The following MAML2 variants were observed in gnomAD, a reference collection of about 807,000 sequenced individuals.
The protein encoded by MAML2 is mastermind like transcriptional coactivator 2.
A neutral mutation model predicts 96.1 loss-of-function variants in MAML2; 22 were observed. The ratio of observed to expected loss-of-function variants is 0.23; its 90% CI spans 0.16 to 0.33. The LOEUF is 0.33. Ranked by LOEUF, MAML2 falls within the 10% of genes least tolerant of loss-of-function variation. The pLI, the probability that MAML2 is intolerant of heterozygous loss-of-function variation, is 1.00. For synonymous variants in MAML2, 561 were observed against 521.3 expected, an observed-to-expected ratio of 1.08 and a Z score of -1.04; for missense variants, 1,367 against 1,392.4, an observed-to-expected ratio of 0.98 and a Z score of 0.29.
chr11:96,093,629 A>G, intron 1 of MAML2, 112 bp from the exon 2 acceptor site: 1 of 834,120 alleles, frequency 1.2e-6, no homozygotes, highest in Non-Finnish European at 1.8e-6. Context: ...CACAAGATTC[A>G]GTTTTTTAAA....
At chr11:96,175,994 A>G (rs1000969261) in intron 1 of MAML2, among the ~76,000 whole-genome samples, 3 of 152,190 alleles carry the variant, frequency 2.0e-5, no homozygotes, top group Admixed American at 2.0e-4. Context: ...AGCATAGGGA[A>G]AAAAAGACTC....
chr11:96,003,992 T>C (rs189288917), intron 2 of MAML2, among the ~76,000 whole-genome samples: 15 of 152,258 alleles, frequency 9.9e-5, no homozygotes, highest in Admixed American at 5.9e-4. Context: ...GATTAGGAAA[T>C]TGTGTTTAAG....
chr11:96,019,896 A>T (rs529203863), intron 2 of MAML2, among the ~76,000 whole-genome samples: 24 of 152,270 alleles, frequency 1.6e-4, no homozygotes, highest in African/African-American at 5.5e-4. Flanking sequence ...GCTAGTTTAT[A>T]CGTTTTTCTC....
intron 1 of MAML2, among the ~76,000 whole-genome samples, chr11:96,254,031 C>T (rs1163476175): frequency 1.3e-5 from 2 of 152,200 alleles, no homozygotes; most frequent in Non-Finnish European, 2.9e-5. Context: ...ATCACTTACA[C>T]TTTCTTTAAA....
At chr11:96,196,648 T>C (rs959895613) in intron 1 of MAML2, among the ~76,000 whole-genome samples, 21 of 152,238 alleles carry the variant, frequency 1.4e-4, no homozygotes, top group Non-Finnish European at 2.8e-4. Flanking sequence ...GGTTCACTCC[T>C]TAGGTCTGTA....
At chr11:96,303,197 G>C (rs966217854) in intron 1 of MAML2, among the ~76,000 whole-genome samples, 1 of 152,132 alleles carries the variant, frequency 6.6e-6, no homozygotes, top group Non-Finnish European at 1.5e-5. Flanking sequence ...GCTCAAAAAA[G>C]TGCAGCACAT....
intron 2 of MAML2, among the ~76,000 whole-genome samples, chr11:96,046,175 C>A (rs2135761353): frequency 6.6e-6 from 1 of 151,990 alleles, no homozygotes; most frequent in Middle Eastern, 3.4e-3. Flanking sequence ...AGGATTCTGA[C>A]CAGCGCAGGT....
chr11:96,097,603 G>T (rs181890883), intron 1 of MAML2, among the ~76,000 whole-genome samples: 37 of 152,210 alleles, frequency 2.4e-4, no homozygotes, highest in Non-Finnish European at 4.6e-4. Context: ...GCTCACAACA[G>T]TTATAGAACA....
In MAML2 at chr11:96,044,277, G is replaced by A. The variant is rs541672425; in HGVS notation, c.2139+47615C>T. ...AGGTGCCAGCAGCAGTTTTTCACATGGTTGCATGGATGCCTTAAGTATTTT... is the reference window on the plus strand; with the variant it reads ...AGGTGCCAGCAGCAGTTTTTCACATAGTTGCATGGATGCCTTAAGTATTTT... On this transcript the variant is annotated intron_variant, in intron 2 of 4. Coordinates refer to ENST00000524717, the MANE Select transcript of MAML2 (RefSeq NM_032427.4). Among the ~76,000 whole-genome samples, 4 of 152,298 alleles carry A rather than the reference G, an allele frequency of 2.6e-5. No individual in the cohort carries two copies. In the South Asian group the frequency reaches 6.2e-4, roughly 24 times the overall value.
intron 1 of MAML2, among the ~76,000 whole-genome samples, chr11:96,304,786 A>G (rs1394986024): frequency 6.6e-6 from 1 of 152,224 alleles, no homozygotes; most frequent in East Asian, 1.9e-4. Flanking sequence ...AATCACAATG[A>G]TGTTACACCA....
intron 2 of MAML2, among the ~76,000 whole-genome samples, chr11:96,002,120 T>G (rs2135718486): frequency 6.6e-6 from 1 of 152,300 alleles, no homozygotes; most frequent in East Asian, 1.9e-4. Flanking sequence ...TTAGGCAGCC[T>G]TTGTCACTCT....
chr11:96,218,704 A>G (rs1184535439), intron 1 of MAML2, among the ~76,000 whole-genome samples: 1 of 152,190 alleles, frequency 6.6e-6, no homozygotes, highest in Non-Finnish European at 1.5e-5. Flanking sequence ...AAAAATTCAA[A>G]TCTCAAAATT....
At chr11:96,310,139 A>G (rs1314181061) in intron 1 of MAML2, among the ~76,000 whole-genome samples, 1 of 152,248 alleles carries the variant, frequency 6.6e-6, no homozygotes, top group African/African-American at 2.4e-5. Flanking sequence ...TTACGTGAAA[A>G]GGAAATTCTT....
chr11:96,052,375 G>T (rs1859002233), intron 2 of MAML2, among the ~76,000 whole-genome samples: 1 of 152,108 alleles, frequency 6.6e-6, no homozygotes. Flanking sequence ...TCCCCAGAAA[G>T]GGGACTGTTT....
chr11:96,090,710 G>A (rs1859689812), intron 2 of MAML2, among the ~76,000 whole-genome samples: 1 of 152,188 alleles, frequency 6.6e-6, no homozygotes. Flanking sequence ...AAGTAGAAAA[G>A]GGCTGAAAGC....
intron 1 of MAML2, among the ~76,000 whole-genome samples, chr11:96,099,344 G>C (rs183452809): frequency 5.3e-5 from 8 of 152,242 alleles, no homozygotes; most frequent in Admixed American, 2.0e-4. Flanking sequence ...TTGGAGGTGA[G>C]AGTAATTCCT....
intron 1 of MAML2, among the ~76,000 whole-genome samples, chr11:96,306,178 C>T (rs1030439502): frequency 6.6e-6 from 1 of 152,116 alleles, no homozygotes; most frequent in African/African-American, 2.4e-5. Context: ...CCTTTGATCA[C>T]TGCACGAGCC....
At chr11:96,247,220 A>G (rs1430997583) in intron 1 of MAML2, among the ~76,000 whole-genome samples, 1 of 152,140 alleles carries the variant, frequency 6.6e-6, no homozygotes, top group African/African-American at 2.4e-5. Context: ...GCAAAAAAAA[A>G]ATAAGTAAAC....
chr11:96,258,729 G>A (rs1242168861), intron 1 of MAML2, among the ~76,000 whole-genome samples: 1 of 152,220 alleles, frequency 6.6e-6, no homozygotes, highest in Non-Finnish European at 1.5e-5. Flanking sequence ...TCACCTATGA[G>A]CAGAGAGGCC....
Sources: gnomAD v4.1 joint callset for allele counts (sites outside exome capture counted in the v4.1 genomes callset) on GRCh38, gnomAD v4.1.1 for gene constraint, MANE v1.5 for transcripts, NCBI Gene and HGNC (gene_info 2026-07-23, HGNC 2026-07-21) for gene names.